BRIP1: variants seen among roughly 807,000 people sequenced by gnomAD.
BRIP1 encodes BRCA1 interacting DNA helicase 1, also known as Fanconi anemia group J protein.
A neutral mutation model predicts 119.7 loss-of-function variants in BRIP1; 88 were observed. That is an observed-to-expected ratio of 0.74 (90% confidence interval 0.62 to 0.88). The LOEUF (loss-of-function observed/expected upper bound fraction) is 0.88, where lower values mean the gene tolerates loss of function less well. Among genes scored for constraint, BRIP1 ranks in the 40% least tolerant of loss-of-function variants. BRIP1 has a pLI of 0.00. For synonymous variants in BRIP1, 443 were observed against 496.5 expected (o/e 0.89, Z 1.43); for missense variants, 1,259 against 1,455.4 (o/e 0.87, Z 2.20).
chr17:61,782,008 G>C (rs1369702550), intron 11 of BRIP1, among the ~76,000 whole-genome samples: 1 of 151,574 alleles, frequency 6.6e-6, no homozygotes, highest in Non-Finnish European at 1.5e-5. Flanking sequence ...AGAGAGATTA[G>C]ATCTCAAAAT....
At chr17:61,765,348 ATATG>A (rs1196740193) in intron 14 of BRIP1, among the ~76,000 whole-genome samples, 1 of 101,824 alleles carries the variant, frequency 9.8e-6, no homozygotes, top group Non-Finnish European at 1.9e-5. Context: ...ATACACATAC[ATATG>A]TATGTGTGTG....
intron 17 of BRIP1, among the ~76,000 whole-genome samples, chr17:61,714,377 A>G (rs1051237419): frequency 3.3e-5 from 5 of 152,078 alleles, no homozygotes; most frequent in Admixed American, 6.6e-5. Context: ...TTTTTAATAT[A>G]CTGTATTTCT....
In BRIP1 at chr17:61,704,642, A is replaced by C. The variant is rs1449648166; in HGVS notation, c.2493-11130T>G. ...AGGCTTTTAACTATGAATTCTATTT[A>C]TTTGCTAGATAGCTATTCATGTTAT... On this transcript the variant is annotated intron_variant, in intron 17 of 19. Coordinates refer to ENST00000259008, the MANE Select transcript of BRIP1 (RefSeq NM_032043.3). This position sits in a 1 kb window ranked among gnomAD's most constrained non-coding sequence, Gnocchi z 5.7. Among the ~76,000 whole-genome samples the C allele has an allele frequency of 6.6e-6, 1 of 152,048 alleles. No homozygotes were observed. Among genetic ancestry groups the C allele is most frequent in the Non-Finnish European group, 1.5e-5 (1 of 67,996 alleles).
rs576290080 is a variant in BRIP1 at position 61,844,692 on chromosome 17, C to T, written c.627+2409G>A. 1.3e-5 allele frequency among the ~76,000 whole-genome samples: 2 copies of T among 152,342 alleles called. No individual in the cohort carries two copies. The highest frequency in any genetic ancestry group is 2.1e-4 in the South Asian group (1 of 4,826). On this transcript the variant is annotated intron_variant, in intron 6 of 19. Transcript: ENST00000259008. The surrounding 1 kb of genome is among the most constrained non-coding windows in gnomAD (Gnocchi z 4.7). ...TCTGTGAGCTTCTACATATTTCTTT[C>T]CTTATCTTGGTGTTAGAACCCTATT... is the stretch of plus-strand genomic sequence containing the variant.
rs183036907 is a variant in BRIP1, at chr17:61,852,434, T to C, written c.380-3178A>G. ...TTGTAATTCAAGCACTTTGGGAGGC[T>C]GAGGCGAGTGATCATTTGAGGTCAG... On this transcript the variant is annotated intron_variant, in intron 4 of 19. Coordinates refer to ENST00000259008, the MANE Select transcript of BRIP1 (RefSeq NM_032043.3). This position sits in a 1 kb window ranked among gnomAD's most constrained non-coding sequence, Gnocchi z 4.9. 5.3e-5 allele frequency among the ~76,000 whole-genome samples: 8 copies of C among 152,228 alleles called. No homozygotes were observed. The highest frequency in any genetic ancestry group is 1.0e-4 in the Non-Finnish European group (7 of 68,004).
At position 61,848,739 on chromosome 17, in the gene BRIP1, C is replaced by T. The variant is rs1447777122; in HGVS notation, c.507+390G>A. ...CATCTTGTCATTACATTAAAACTAT[C>T]AATTCCAAAATATCCATAACATGAA... On this transcript the variant is annotated intron_variant, in intron 5 of 19. Transcript: ENST00000259008. The surrounding 1 kb of genome is among the most constrained non-coding windows in gnomAD (Gnocchi z 4.3). 6.6e-6 allele frequency among the ~76,000 whole-genome samples: 1 copy of T among 152,072 alleles called. No homozygotes were observed. Among genetic ancestry groups the T allele is most frequent in the Non-Finnish European group, 1.5e-5 (1 of 68,006 alleles).
At chr17:61,847,646 T>A (rs982711691) in intron 5 of BRIP1, among the ~76,000 whole-genome samples, 1 of 152,230 alleles carries the variant, frequency 6.6e-6, no homozygotes, top group Non-Finnish European at 1.5e-5. Flanking sequence ...ACAGTCATGA[T>A]TTCCTACAGG....
At chr17:61,716,848 T>TTG (rs748760361) in intron 16 of BRIP1, among the ~76,000 whole-genome samples, 9 of 152,042 alleles carry the variant, frequency 5.9e-5, no homozygotes, top group East Asian at 5.8e-4. Flanking sequence ...AGCTATGTCT[T>TTG]TGTGTGTGTG....
rs375638078 is a variant in BRIP1 at position 61,735,129 on chromosome 17, T to G, written c.2379+7884A>C. Among the ~76,000 whole-genome samples, 21 of 152,258 alleles carry G rather than the reference T, an allele frequency of 1.4e-4. No individual in the cohort carries two copies. The East Asian group carries it at 3.7e-3, about 27-fold the overall frequency. ...TCATTTAGATCATCATCTCTTTTCA[T>G]AGGGAATAGGAGTATGGCAGACACA... On this transcript the variant is annotated intron_variant, in intron 16 of 19. Transcript: ENST00000259008. This position sits in a 1 kb window ranked among gnomAD's most constrained non-coding sequence, Gnocchi z 4.4.
chr17:61,698,007 T>A (rs1196884326), intron 17 of BRIP1, among the ~76,000 whole-genome samples: 1 of 152,152 alleles, frequency 6.6e-6, no homozygotes, highest in African/African-American at 2.4e-5. Context: ...GGTTTCACCA[T>A]GTTGGCCAGG....
Position 61,806,996 on chromosome 17 carries a change from G to A in BRIP1, c.918+1471C>T, listed in dbSNP as rs554281465. 2.0e-5 allele frequency among the ~76,000 whole-genome samples: 3 copies of A among 152,220 alleles called. No homozygotes were observed. Among genetic ancestry groups the A allele is most frequent in the African/African-American group, 7.2e-5 (3 of 41,550 alleles). On this transcript the variant is annotated intron_variant, in intron 7 of 19. Transcript: ENST00000259008. This position sits in a 1 kb window ranked among gnomAD's most constrained non-coding sequence, Gnocchi z 4.9. ...GCATGAACCATCAGGCCCAGCCAAT[G>A]TATTTTTTACAAATACATAATTAAT...
chr17:61,691,756 A>C lies in BRIP1; in HGVS notation c.2575+1674T>G, dbSNP rs2061449693. On this transcript the variant is annotated intron_variant, in intron 18 of 19. Transcript: ENST00000259008. This position sits in a 1 kb window ranked among gnomAD's most constrained non-coding sequence, Gnocchi z 5.0. The stretch of plus-strand genomic sequence containing the variant: ...GGCGTGAGCCACCATGCCCGGCTGC[A>C]ATCTAAATTCATATGGAACCACAAA... Among the ~76,000 whole-genome samples the C allele has an allele frequency of 6.6e-6, 1 of 152,146 alleles. No individual in the cohort carries two copies. The highest frequency in any genetic ancestry group is 2.1e-4 in the South Asian group (1 of 4,828).
chr17:61,854,679 C>A (rs1270095247), intron 4 of BRIP1, among the ~76,000 whole-genome samples: 3 of 143,766 alleles, frequency 2.1e-5, no homozygotes, highest in African/African-American at 8.1e-5. Context: ...TGCACTCCAG[C>A]CTGGGCAAGA....
rs1263466782 is a variant in BRIP1, at chr17:61,844,355, C to A, written c.627+2746G>T. 6.6e-6 allele frequency among the ~76,000 whole-genome samples: 1 copy of A among 152,144 alleles called. No homozygotes were observed. The highest frequency in any genetic ancestry group is 1.5e-5 in the Non-Finnish European group (1 of 68,038). On this transcript the variant is annotated intron_variant, in intron 6 of 19. Coordinates refer to ENST00000259008, the MANE Select transcript of BRIP1 (RefSeq NM_032043.3). This position sits in a 1 kb window ranked among gnomAD's most constrained non-coding sequence, Gnocchi z 4.7. ...ATCCCAAAACTCTGGGAGGCCCAGG[C>A]AAGAGGATCACTGGAGGCCATGAGT...
intron 17 of BRIP1, among the ~76,000 whole-genome samples, chr17:61,714,703 T>C (rs563620995): frequency 6.6e-6 from 1 of 152,296 alleles, no homozygotes; most frequent in Admixed American, 6.5e-5. Context: ...GGCAAGAATA[T>C]TTAGAAGTCG....
At position 61,809,346 on chromosome 17, in the gene BRIP1, T is replaced by C. The variant is rs901733671; in HGVS notation, c.628-589A>G. Among the ~76,000 whole-genome samples, 8 of 152,136 alleles carry C rather than the reference T, an allele frequency of 5.3e-5. No individual in the cohort carries two copies. Among genetic ancestry groups the C allele is most frequent in the African/African-American group, 1.9e-4 (8 of 41,446 alleles). On this transcript the variant is annotated intron_variant, in intron 6 of 19. Coordinates refer to ENST00000259008, the MANE Select transcript of BRIP1 (RefSeq NM_032043.3). This position sits in a 1 kb window ranked among gnomAD's most constrained non-coding sequence, Gnocchi z 5.2. Reference sequence around the variant, plus strand: ...ATTAATATTTAATAATGAAAGCAGGTTGCTTGTGTGGAACAAGTATATCTG... The same window carrying C: ...ATTAATATTTAATAATGAAAGCAGGCTGCTTGTGTGGAACAAGTATATCTG...
Position 61,686,147 on chromosome 17 carries a change from C to T in BRIP1, c.2594G>A (p.Arg865Gln), listed in dbSNP as rs781609846. Residue 865 changes from arginine (R) to glutamine (Q), a missense_variant, in exon 19 of 20, where the codon CGG becomes CAG. By Grantham distance (43) the Arg-to-Gln change is conservative. Coordinates refer to ENST00000259008, the MANE Select transcript of BRIP1 (RefSeq NM_032043.3). This position sits in a 1 kb window ranked among gnomAD's most constrained non-coding sequence, Gnocchi z 5.4. ...RYISGLSKWV[R>Q]QQIQHHSTFE... ...GGTTGAATGGTGCTGAATCTGCTGC[C>T]GTACCCATTTAGAAAGTCCTAAAGA... The T allele has an allele frequency of 1.5e-5, 25 of 1,613,958 alleles. No individual in the cohort carries two copies. The highest frequency in any genetic ancestry group is 1.2e-4 in the African/African-American group (9 of 74,984).
At position 61,709,273 on chromosome 17, in the gene BRIP1, A is replaced by C. The variant is rs1368074104; in HGVS notation, c.2492+6678T>G. ...GTTTTCCAGTGTTCAAAATGTGTTGATATCGCTTGTCTGTCACTGTCTCCT... is the reference window on the plus strand; with the variant it reads ...GTTTTCCAGTGTTCAAAATGTGTTGCTATCGCTTGTCTGTCACTGTCTCCT... On this transcript the variant is annotated intron_variant, in intron 17 of 19. Transcript: ENST00000259008. This position sits in a 1 kb window ranked among gnomAD's most constrained non-coding sequence, Gnocchi z 5.0. Among the ~76,000 whole-genome samples, 1 of 152,080 alleles carries C rather than the reference A, an allele frequency of 6.6e-6. No homozygotes were observed. The highest frequency in any genetic ancestry group is 1.5e-5 in the Non-Finnish European group (1 of 68,002).
chr17:61,806,851 C>G lies in BRIP1; in HGVS notation c.918+1616G>C, dbSNP rs1038510085. On this transcript the variant is annotated intron_variant, in intron 7 of 19. Coordinates refer to ENST00000259008, the MANE Select transcript of BRIP1 (RefSeq NM_032043.3). The surrounding 1 kb of genome is among the most constrained non-coding windows in gnomAD (Gnocchi z 4.9). Reference sequence around the variant, plus strand: ...TAGCTGGGATTACAAGCATGCGCCACCACGCCCAGCTAATTTTTTGTATTT... The same window carrying G: ...TAGCTGGGATTACAAGCATGCGCCAGCACGCCCAGCTAATTTTTTGTATTT... Among the ~76,000 whole-genome samples the G allele has an allele frequency of 6.6e-6, 1 of 152,158 alleles. No homozygotes were observed. Among genetic ancestry groups the G allele is most frequent in the Non-Finnish European group, 1.5e-5 (1 of 68,036 alleles).
Sources: allele counts gnomAD v4.1 joint callset (sites outside exome capture counted in the v4.1 genomes callset), GRCh38; gene constraint gnomAD v4.1.1; non-coding constraint Gnocchi (gnomAD v3.1); transcripts MANE v1.5; gene names NCBI Gene and HGNC (gene_info 2026-07-23, HGNC 2026-07-21).